Variants in ACOXL observed in about 807,000 individuals in gnomAD.
The protein encoded by ACOXL is acyl-coenzyme A oxidase-like protein.
In ACOXL, 70 loss-of-function variants were observed where a neutral mutation model predicts 71.9. The ratio of observed to expected loss-of-function variants is 0.97; its 90% CI spans 0.80 to 1.19. The LOEUF (loss-of-function observed/expected upper bound fraction) is 1.19. ACOXL is among the 50% of genes most tolerant of loss of function. The pLI is 0.00. For missense variants in ACOXL, 703 were observed against 736.3 expected, an observed-to-expected ratio of 0.95 and a Z score of 0.52; for synonymous variants, 253 against 281.6, an observed-to-expected ratio of 0.90 and a Z score of 1.02.
At chr2:110,980,946 A>G (rs2062681616) in intron 12 of ACOXL, among the ~76,000 whole-genome samples, 1 of 152,090 alleles carries the variant, frequency 6.6e-6, no homozygotes, top group African/African-American at 2.4e-5. Flanking sequence ...CATTATCCTG[A>G]CATGCTGTCT....
At chr2:110,930,444 G>A (rs2060438370) in intron 11 of ACOXL, among the ~76,000 whole-genome samples, 2 of 152,316 alleles carry the variant, frequency 1.3e-5, no homozygotes, top group Admixed American at 6.5e-5. Flanking sequence ...AGGTGGAAGG[G>A]ACTTGCTTTG....
At chr2:110,951,040 G>A (rs1379177425) in intron 12 of ACOXL, among the ~76,000 whole-genome samples, 1 of 152,160 alleles carries the variant, frequency 6.6e-6, no homozygotes, top group African/African-American at 2.4e-5. Flanking sequence ...CTGAGATGGT[G>A]TTTCTCAGAT....
rs1362272082 is a variant in ACOXL, at chr2:110,752,358, CT to C, written c.-22-16008del. Among the ~76,000 whole-genome samples the C allele has an allele frequency of 2.6e-5, 4 of 152,096 alleles. No individual in the cohort carries two copies. The East Asian group carries it at 7.7e-4, about 29-fold the overall frequency. On this transcript the variant is annotated intron_variant, in intron 1 of 17. Coordinates refer to ENST00000439055, the MANE Select transcript of ACOXL (RefSeq NM_001142807.4). ...AAAATACGTTGGGCATGTTGGTGTA[CT>C]TATAGTCCCAACTACTTGGGAGGCT...
chr2:110,870,998 T>C (rs1048214844), intron 10 of ACOXL, among the ~76,000 whole-genome samples: 3 of 152,160 alleles, frequency 2.0e-5, no homozygotes, highest in African/African-American at 7.2e-5. Flanking sequence ...AAATCTGTTA[T>C]TTACTGCGTG....
intron 10 of ACOXL, among the ~76,000 whole-genome samples, chr2:110,908,502 T>C (rs557588047): frequency 6.6e-6 from 1 of 152,328 alleles, no homozygotes; most frequent in African/African-American, 2.4e-5. Context: ...CTATAAAATG[T>C]CATGTAAATG....
intron 12 of ACOXL, among the ~76,000 whole-genome samples, chr2:110,975,833 G>A (rs1347529629): frequency 6.6e-6 from 1 of 151,802 alleles, no homozygotes; most frequent in Admixed American, 6.6e-5. Flanking sequence ...CCAATGTAAG[G>A]GCTGAAGAAC....
At chr2:110,937,474 C>T (rs569444292) in intron 12 of ACOXL, among the ~76,000 whole-genome samples, 14 of 152,324 alleles carry the variant, frequency 9.2e-5, no homozygotes, top group East Asian at 1.9e-4. Context: ...CACAGTATCA[C>T]GGCCCTGATT....
At chr2:110,985,145 G>A (rs1335977338) in intron 12 of ACOXL, among the ~76,000 whole-genome samples, 1 of 142,684 alleles carries the variant, frequency 7.0e-6, no homozygotes, top group Non-Finnish European at 1.5e-5. Context: ...CTGGTATTGC[G>A]TTAGTGAAAT....
chr2:110,933,448 G>T, intron 11 of ACOXL, 41 bp from the exon 12 acceptor site: 1 of 1,594,988 alleles, frequency 6.3e-7, no homozygotes, highest in Non-Finnish European at 8.6e-7. Flanking sequence ...TGTGCTGACT[G>T]CACCGCCACT....
intron 10 of ACOXL, among the ~76,000 whole-genome samples, chr2:110,844,516 A>G (rs1338495432): frequency 6.8e-6 from 1 of 147,746 alleles, no homozygotes; most frequent in Non-Finnish European, 1.5e-5. Context: ...CCTGCAGGTC[A>G]CCCTTTGACT....
At chr2:110,886,400 T>C (rs1697301459) in intron 10 of ACOXL, among the ~76,000 whole-genome samples, 1 of 149,568 alleles carries the variant, frequency 6.7e-6, no homozygotes, top group African/African-American at 2.5e-5. Flanking sequence ...TTTTTTTTAA[T>C]GGATTCTCAC....
At chr2:110,911,435 A>G (rs946576596) in intron 11 of ACOXL, among the ~76,000 whole-genome samples, 1 of 152,128 alleles carries the variant, frequency 6.6e-6, no homozygotes, top group Non-Finnish European at 1.5e-5. Flanking sequence ...CTATAGAGCA[A>G]TATCACTTAT....
At chr2:110,865,549 G>A (rs1192137515) in intron 10 of ACOXL, among the ~76,000 whole-genome samples, 1 of 152,166 alleles carries the variant, frequency 6.6e-6, no homozygotes, top group African/African-American at 2.4e-5. Context: ...ATTGAAGAAA[G>A]GAGCATTTGT....
At chr2:111,021,870 A>G (rs995067304) in intron 14 of ACOXL, among the ~76,000 whole-genome samples, 2 of 152,104 alleles carry the variant, frequency 1.3e-5, no homozygotes, top group Admixed American at 1.3e-4. Context: ...GTAAAAAAGA[A>G]AAAAAAGAAA....
intron 14 of ACOXL, among the ~76,000 whole-genome samples, chr2:111,001,548 CCTTAT>C (rs1361649927): frequency 6.6e-6 from 1 of 152,122 alleles, no homozygotes; most frequent in Non-Finnish European, 1.5e-5. Flanking sequence ...AGGACTGTGC[CCTTAT>C]TAAGGAACTT....
chr2:110,777,654 G>A (rs960132575), intron 2 of ACOXL, among the ~76,000 whole-genome samples: 1 of 152,196 alleles, frequency 6.6e-6, no homozygotes, highest in Admixed American at 6.5e-5. Flanking sequence ...GCACTGTCTC[G>A]TGGGCCAGGG....
intron 17 of ACOXL, among the ~76,000 whole-genome samples, chr2:111,110,705 A>C (rs1023743912): frequency 2.6e-5 from 4 of 152,246 alleles, no homozygotes; most frequent in Non-Finnish European, 4.4e-5. Context: ...GAAAGAGCTC[A>C]TCTCTCTGAA....
At chr2:110,863,586 C>T (rs1694207555) in intron 10 of ACOXL, among the ~76,000 whole-genome samples, 1 of 151,974 alleles carries the variant, frequency 6.6e-6, no homozygotes, top group Non-Finnish European at 1.5e-5. Context: ...ATGTGATTTC[C>T]CTGAGCACCC....
intron 14 of ACOXL, among the ~76,000 whole-genome samples, chr2:111,025,113 A>G (rs1337223665): frequency 6.6e-6 from 1 of 151,994 alleles, no homozygotes; most frequent in Admixed American, 6.6e-5. Context: ...TCTTTCTTTC[A>G]TTGTAAATTT....
Sources: gnomAD v4.1 joint callset for allele counts (sites outside exome capture counted in the v4.1 genomes callset) on GRCh38, gnomAD v4.1.1 for gene constraint, MANE v1.5 for transcripts, NCBI Gene and HGNC (gene_info 2026-07-23, HGNC 2026-07-21) for gene names.